Variants in VIT observed in about 807,000 individuals in gnomAD.
VIT encodes vitrin.
VIT carries 99 observed loss-of-function variants against 78.0 expected under a neutral mutation model. The observed-to-expected ratio is 1.27, with a 90% CI of 1.08 to 1.50. The LOEUF (loss-of-function observed/expected upper bound fraction) is 1.50. Ranked by LOEUF, VIT falls within the 40% of genes most tolerant of loss-of-function variation. The pLI is 0.00. For missense variants in VIT, 1,126 were observed against 875.3 expected, an observed-to-expected ratio of 1.29 and a Z score of -3.61; for synonymous variants, 374 against 334.3, an observed-to-expected ratio of 1.12 and a Z score of -1.29.
intron 9 of VIT, among the ~76,000 whole-genome samples, chr2:36,780,028 C>T (rs1299399034): frequency 6.6e-6 from 1 of 152,190 alleles, no homozygotes; most frequent in Non-Finnish European, 1.5e-5. Context: ...CACCCTGTTC[C>T]TCCTTGACGC....
chr2:36,805,747 A>T lies in VIT; in HGVS notation c.1389+83A>T, dbSNP rs900803763. The T allele has an allele frequency of 4.7e-5, 66 of 1,405,592 alleles. 3 individuals are homozygous for T. Among genetic ancestry groups the T allele is most frequent in the East Asian group, 4.3e-4 (18 of 41,910 alleles). 87.1% of individuals were successfully genotyped at this position (1,405,592 alleles called of 1,614,324 possible). On this transcript the variant is annotated intron_variant, in intron 14 of 15. Coordinates refer to ENST00000379242, the MANE Select transcript of VIT (RefSeq NM_053276.4). ...GTAACGCCGTTGCAGTGGTTTTCCC[A>T]TGCCTTTAAATGTGCATGAAGCTCA... is the stretch of plus-strand genomic sequence containing the variant.
At chr2:36,798,465 A>C (rs1414475289) in intron 12 of VIT, among the ~76,000 whole-genome samples, 2 of 152,236 alleles carry the variant, frequency 1.3e-5, no homozygotes, top group African/African-American at 2.4e-5. Flanking sequence ...CTTTGTAAAA[A>C]TATAAACCCA....
At chr2:36,751,439 A>G (rs11124537) in intron 4 of VIT, among the ~76,000 whole-genome samples, 63,033 of 152,080 alleles carry the variant, frequency 0.41, 13,241 homozygotes, top group Admixed American at 0.51. Flanking sequence ...ATTGAGGATT[A>G]AAACTCATGC....
chr2:36,722,250 G>T (rs984006119), intron 2 of VIT, among the ~76,000 whole-genome samples: 2 of 152,174 alleles, frequency 1.3e-5, no homozygotes, highest in African/African-American at 4.8e-5. Context: ...TGTACTGACA[G>T]GGAGCAAGTG....
intron 7 of VIT, among the ~76,000 whole-genome samples, chr2:36,768,967 T>A (rs1174481290): frequency 6.6e-6 from 1 of 152,196 alleles, no homozygotes; most frequent in Non-Finnish European, 1.5e-5. Context: ...AGAATAAGAA[T>A]ACCGCAAAAA....
intron 1 of VIT, among the ~76,000 whole-genome samples, chr2:36,713,690 A>G (rs7560723): frequency 0.014 from 2,196 of 152,292 alleles, 53 homozygotes; most frequent in African/African-American, 0.051. Context: ...CAGTTTCTGG[A>G]TAGACTTTGA....
intron 12 of VIT, 96 bp downstream of exon 12, chr2:36,787,372 C>A: frequency 6.9e-7 from 1 of 1,453,978 alleles, no homozygotes; most frequent in Non-Finnish European, 9.2e-7. Context: ...ATATTACCAA[C>A]ATGTCCTTGA....
intron 3 of VIT, among the ~76,000 whole-genome samples, chr2:36,736,866 G>A (rs1667539629): frequency 6.6e-6 from 1 of 152,076 alleles, no homozygotes; most frequent in African/African-American, 2.4e-5. Flanking sequence ...TTAATACCCT[G>A]AAAAACCTTT....
intron 5 of VIT, among the ~76,000 whole-genome samples, chr2:36,758,711 G>A (rs1256834666): frequency 5.3e-5 from 8 of 152,224 alleles, no homozygotes; most frequent in Non-Finnish European, 1.0e-4. Context: ...ACGGGTGAAA[G>A]AAGGATTGCT....
chr2:36,736,680 T>C (rs532177655), intron 3 of VIT, among the ~76,000 whole-genome samples: 3 of 152,166 alleles, frequency 2.0e-5, no homozygotes, highest in Non-Finnish European at 4.4e-5. Flanking sequence ...TTGTATAAGA[T>C]GAAACAAAAG....
chr2:36,725,602 TGG>T (rs112932967), intron 2 of VIT, among the ~76,000 whole-genome samples: 2,997 of 48,844 alleles, frequency 0.061, 104 homozygotes, highest in African/African-American at 0.2. Context: ...AGTTGAGGGG[TGG>T]GGGGGGGGTG....
chr2:36,796,785 G>A (rs1300660831), intron 12 of VIT, among the ~76,000 whole-genome samples: 1 of 151,980 alleles, frequency 6.6e-6, no homozygotes. Context: ...CTTTTGAAAG[G>A]AACCTTTATA....
chr2:36,722,065 C>A (rs1172648475), intron 2 of VIT, among the ~76,000 whole-genome samples: 1 of 152,160 alleles, frequency 6.6e-6, no homozygotes, highest in African/African-American at 2.4e-5. Flanking sequence ...TTTAAGGTAT[C>A]GGAGCCATCC....
intron 4 of VIT, among the ~76,000 whole-genome samples, chr2:36,753,004 A>T (rs1668554578): frequency 6.6e-6 from 1 of 152,256 alleles, no homozygotes; most frequent in Admixed American, 6.5e-5. Flanking sequence ...TGGTACATAT[A>T]CACCATGGAA....
intron 3 of VIT, among the ~76,000 whole-genome samples, chr2:36,741,953 A>T (rs1667861438): frequency 6.6e-6 from 1 of 152,198 alleles, no homozygotes; most frequent in Non-Finnish European, 1.5e-5. Context: ...TTGTGAAGAT[A>T]ACTATCATTG....
At position 36,713,413 on chromosome 2, in the gene VIT, G is replaced by A. The variant is rs143671368; in HGVS notation, c.-18-2940G>A. Reference sequence around the variant, plus strand: ...GAGAAATGAGAACAGAAGGGTCGACGGAGGCCAAATCAAGCAGGGTCTTGA... The same window carrying A: ...GAGAAATGAGAACAGAAGGGTCGACAGAGGCCAAATCAAGCAGGGTCTTGA... On this transcript the variant is annotated intron_variant, in intron 1 of 15. Coordinates refer to ENST00000379242, the MANE Select transcript of VIT (RefSeq NM_053276.4). Among the ~76,000 whole-genome samples the A allele has an allele frequency of 4.9e-3, 744 of 152,290 alleles. 9 individuals are homozygous for A. The highest frequency in any genetic ancestry group is 0.017 in the African/African-American group (691 of 41,562).
chr2:36,805,385 T>C, intron 13 of VIT, 53 bp from the exon 14 acceptor site: 1 of 1,520,504 alleles, frequency 6.6e-7, no homozygotes, highest in South Asian at 1.3e-5. Flanking sequence ...GATCTCTTCC[T>C]GTATTTATAA....
chr2:36,740,149 G>A (rs890207224), intron 3 of VIT, among the ~76,000 whole-genome samples: 1 of 152,160 alleles, frequency 6.6e-6, no homozygotes, highest in Non-Finnish European at 1.5e-5. Context: ...ACTCAGAGAA[G>A]GGGGAAGGGA....
At chr2:36,761,415 G>T (rs985380119) in intron 6 of VIT, among the ~76,000 whole-genome samples, 4 of 152,058 alleles carry the variant, frequency 2.6e-5, no homozygotes, top group Admixed American at 6.5e-5. Context: ...CTCACCCGTG[G>T]GAAGTTCAGT....
Sources: gnomAD v4.1 joint callset for allele counts (sites outside exome capture counted in the v4.1 genomes callset) on GRCh38, gnomAD v4.1.1 for gene constraint, MANE v1.5 for transcripts, NCBI Gene and HGNC (gene_info 2026-07-23, HGNC 2026-07-21) for gene names.